MIS18A: variants seen among roughly 807,000 people sequenced by gnomAD.
MIS18A encodes MIS18 kinetochore protein A, also known as protein Mis18-alpha.
A neutral mutation model predicts 25.0 loss-of-function variants in MIS18A; 14 were observed. The ratio of observed to expected loss-of-function variants is 0.56; its 90% CI spans 0.37 to 0.88. The LOEUF is 0.88. Ranked by LOEUF, MIS18A falls within the 40% of genes least tolerant of loss-of-function variation. The pLI is 0.00. For synonymous variants in MIS18A, 134 were observed against 118.6 expected, an observed-to-expected ratio of 1.13 and a Z score of -0.84; for missense variants, 292 against 290.8, an observed-to-expected ratio of 1.00 and a Z score of -0.03.
At chr21:32,196,802 T>C in the MIS18A span, among the ~76,000 whole-genome samples, 2 of 152,066 alleles carry the variant, frequency 1.3e-5, no homozygotes, top group Non-Finnish European at 2.9e-5. Flanking sequence ...TGATGATTAA[T>C]AGAGAGATAG....
chr21:32,185,800 CT>C, the MIS18A span, among the ~76,000 whole-genome samples: 1 of 152,060 alleles, frequency 6.6e-6, no homozygotes, highest in Non-Finnish European at 1.5e-5. Flanking sequence ...CCCTGGGCCC[CT>C]GCCACCTCCC....
the MIS18A span, among the ~76,000 whole-genome samples, chr21:32,236,621 C>A: frequency 6.6e-6 from 1 of 152,144 alleles, no homozygotes; most frequent in Non-Finnish European, 1.5e-5. Context: ...GTGAGTCCAG[C>A]GTGGTTCATC....
the MIS18A span, among the ~76,000 whole-genome samples, chr21:32,178,799 G>A: frequency 0.59 from 90,186 of 151,980 alleles, 27,551 homozygotes; most frequent in African/African-American, 0.74. Flanking sequence ...TTGCCTCTCC[G>A]CCATTCTGTC....
At chr21:32,254,389 G>C in the MIS18A span, among the ~76,000 whole-genome samples, 1 of 150,248 alleles carries the variant, frequency 6.7e-6, no homozygotes, top group Non-Finnish European at 1.5e-5. Flanking sequence ...AAATTAGCCA[G>C]GTGTGGTGGC....
the MIS18A span, among the ~76,000 whole-genome samples, chr21:32,222,934 C>CAAAAAAAA: frequency 2.7e-4 from 18 of 65,686 alleles, no homozygotes; most frequent in Admixed American, 7.4e-4. Context: ...GACTCCGTCT[C>CAAAAAAAA]AAAAAAAAAA....
chr21:32,277,252 TA>T (rs959647607), intron 1 of MIS18A, among the ~76,000 whole-genome samples: 1 of 152,146 alleles, frequency 6.6e-6, no homozygotes, highest in Non-Finnish European at 1.5e-5. Context: ...GCTATTGTTA[TA>T]AAAATTAAAT....
the MIS18A span, among the ~76,000 whole-genome samples, chr21:32,211,309 G>A: frequency 3.9e-5 from 6 of 152,176 alleles, no homozygotes; most frequent in African/African-American, 1.4e-4. Context: ...CCAAAGTTCT[G>A]GGATTACAGG....
At chr21:32,274,802 A>G (rs1569015684) in intron 2 of MIS18A, 28 bp downstream of exon 2, 3 of 1,554,698 alleles carry the variant, frequency 1.9e-6, no homozygotes, top group East Asian at 4.5e-5. Context: ...ATTCTCTAAC[A>G]TATTCATATA....
chr21:32,163,891 G>A, the MIS18A span, among the ~76,000 whole-genome samples: 1 of 152,152 alleles, frequency 6.6e-6, no homozygotes, highest in Admixed American at 6.5e-5. Flanking sequence ...GAAAAGAGGT[G>A]TGCAAGAAAC....
the MIS18A span, among the ~76,000 whole-genome samples, chr21:32,183,966 G>A: frequency 3.3e-5 from 5 of 152,148 alleles, no homozygotes; most frequent in African/African-American, 1.2e-4. Flanking sequence ...GTATTTAAGG[G>A]AAGGACATTC....
At chr21:32,193,093 T>C in the MIS18A span, among the ~76,000 whole-genome samples, 1 of 152,138 alleles carries the variant, frequency 6.6e-6, no homozygotes, top group Non-Finnish European at 1.5e-5. Flanking sequence ...CACATTTTCA[T>C]TTCATTTTGT....
intron 2 of MIS18A, among the ~76,000 whole-genome samples, 194 bp downstream of exon 2, chr21:32,274,636 C>G (rs1003067656): frequency 3.1e-4 from 47 of 152,098 alleles, no homozygotes; most frequent in African/African-American, 1.2e-4. Flanking sequence ...CACAACCACT[C>G]AAGAACTAAC....
the MIS18A span, among the ~76,000 whole-genome samples, chr21:32,235,974 A>G: frequency 6.6e-6 from 1 of 152,192 alleles, no homozygotes; most frequent in Non-Finnish European, 1.5e-5. Flanking sequence ...CCCCCCTGCA[A>G]GTGGCATCAG....
the MIS18A span, among the ~76,000 whole-genome samples, chr21:32,190,873 A>G: frequency 6.6e-6 from 1 of 152,216 alleles, no homozygotes; most frequent in Non-Finnish European, 1.5e-5. Flanking sequence ...GGACACTTCG[A>G]TGTATGTCTG....
At chr21:32,248,066 T>C in the MIS18A span, among the ~76,000 whole-genome samples, 1 of 152,208 alleles carries the variant, frequency 6.6e-6, no homozygotes, top group Non-Finnish European at 1.5e-5. Flanking sequence ...TCCTTGCTGC[T>C]GAGAGCCCCA....
chr21:32,263,308 G>T (rs1601070080), downstream of MIS18A, among the ~76,000 whole-genome samples: 1 of 152,344 alleles, frequency 6.6e-6, no homozygotes, highest in East Asian at 1.9e-4. Context: ...TAAAGTCTTA[G>T]AATGAGACTG....
chr21:32,251,062 T>A, the MIS18A span, among the ~76,000 whole-genome samples: 1 of 152,204 alleles, frequency 6.6e-6, no homozygotes, highest in Non-Finnish European at 1.5e-5. Context: ...CCTGCCACCA[T>A]GTGAAGAAGG....
intron 2 of MIS18A, among the ~76,000 whole-genome samples, chr21:32,272,355 A>C (rs2031729137): frequency 6.6e-6 from 1 of 152,218 alleles, no homozygotes; most frequent in Non-Finnish European, 1.5e-5. Context: ...AAAAATTCAC[A>C]AGCATCCCAA....
the MIS18A span, among the ~76,000 whole-genome samples, chr21:32,201,845 A>T: frequency 6.6e-5 from 10 of 152,056 alleles, no homozygotes; most frequent in East Asian, 3.9e-4. Flanking sequence ...AACTAAAAAA[A>T]TTTTTTAAAA....
Sources: allele counts gnomAD v4.1 joint callset (sites outside exome capture counted in the v4.1 genomes callset), GRCh38; gene constraint gnomAD v4.1.1; transcripts MANE v1.5; gene names NCBI Gene and HGNC (gene_info 2026-07-23, HGNC 2026-07-21).